Variants in BABAM2 observed in about 807,000 individuals in gnomAD.
BABAM2 encodes BRISC and BRCA1-A complex member 2.
BABAM2 carries 31 observed loss-of-function variants against 54.7 expected under a neutral mutation model. The observed-to-expected ratio is 0.57, with a 90% CI of 0.43 to 0.77. BABAM2 has a LOEUF of 0.77. Ranked by LOEUF, BABAM2 falls within the 30% of genes least tolerant of loss-of-function variation. BABAM2 has a pLI of 0.00. For missense variants in BABAM2, 364 were observed against 455.8 expected, an observed-to-expected ratio of 0.80 and a Z score of 1.83; for synonymous variants, 167 against 162.9, an observed-to-expected ratio of 1.03 and a Z score of -0.19.
At chr2:28,041,899 AG>A (rs1461660418) in intron 5 of BABAM2, among the ~76,000 whole-genome samples, 1 of 152,220 alleles carries the variant, frequency 6.6e-6, no homozygotes, top group African/African-American at 2.4e-5. Context: ...TGACAGAGTT[AG>A]GGGCAATTGC....
intron 3 of BABAM2, among the ~76,000 whole-genome samples, chr2:27,985,921 T>C (rs1434133233): frequency 6.6e-6 from 1 of 152,180 alleles, no homozygotes; most frequent in Non-Finnish European, 1.5e-5. Context: ...AATGGCGTAA[T>C]TAGTCAGGAT....
intron 6 of BABAM2, among the ~76,000 whole-genome samples, chr2:28,101,989 A>T (rs1206992781): frequency 6.6e-6 from 1 of 152,182 alleles, no homozygotes; most frequent in African/African-American, 2.4e-5. Flanking sequence ...GCTAGAAAAA[A>T]ATCTTGGTAT....
At chr2:28,037,324 C>T (rs951911833) in intron 5 of BABAM2, among the ~76,000 whole-genome samples, 1 of 152,044 alleles carries the variant, frequency 6.6e-6, no homozygotes, top group African/African-American at 2.4e-5. Context: ...ATATTATGCA[C>T]TGTTTTGGAT....
At chr2:28,167,153 A>G (rs765593866) in intron 7 of BABAM2, among the ~76,000 whole-genome samples, 1 of 152,184 alleles carries the variant, frequency 6.6e-6, no homozygotes, top group Non-Finnish European at 1.5e-5. Context: ...TATGTTCTTC[A>G]TTCTGATTGT....
chr2:27,999,617 T>C (rs1673435886), intron 4 of BABAM2, among the ~76,000 whole-genome samples: 1 of 152,258 alleles, frequency 6.6e-6, no homozygotes, highest in African/African-American at 2.4e-5. Context: ...CCTAGTATGA[T>C]TTAACCAAGA....
chr2:28,092,795 C>T (rs1265008699), intron 6 of BABAM2, among the ~76,000 whole-genome samples: 1 of 151,742 alleles, frequency 6.6e-6, no homozygotes, highest in Non-Finnish European at 1.5e-5. Flanking sequence ...TCTCTCTGCC[C>T]TGATCATTTG....
chr2:28,306,508 T>C (rs903033365), intron 11 of BABAM2, among the ~76,000 whole-genome samples: 6 of 152,166 alleles, frequency 3.9e-5, no homozygotes, highest in African/African-American at 1.4e-4. Context: ...TGAAATCTGC[T>C]CCATTTGATA....
At chr2:28,302,883 T>G (rs1186806175) in intron 11 of BABAM2, among the ~76,000 whole-genome samples, 1 of 152,250 alleles carries the variant, frequency 6.6e-6, no homozygotes, top group Non-Finnish European at 1.5e-5. Flanking sequence ...ATGAAATGTC[T>G]GTTCAAATCT....
intron 10 of BABAM2, among the ~76,000 whole-genome samples, chr2:28,248,121 T>C (rs1273496873): frequency 6.6e-6 from 1 of 152,108 alleles, no homozygotes; most frequent in African/African-American, 2.4e-5. Context: ...AGCAGTTGTA[T>C]AGGCAATTCC....
At chr2:28,296,572 C>T (rs893421470) in intron 10 of BABAM2, among the ~76,000 whole-genome samples, 2 of 152,128 alleles carry the variant, frequency 1.3e-5, no homozygotes, top group Non-Finnish European at 2.9e-5. Context: ...AAGTCTGCTG[C>T]GGACCTAAGT....
intron 5 of BABAM2, 159 bp downstream of exon 5, chr2:28,025,579 T>TAGAGTTTAAAGA: frequency 1.5e-6 from 1 of 669,672 alleles, no homozygotes; most frequent in African/African-American, 1.9e-5. Context: ...CCTTAATGTT[T>TAGAGTTTAAAGA]GTCTAGTTCA....
In BABAM2 at chr2:28,117,611, C is replaced by G. The variant is rs765727921; in HGVS notation, c.571-11660C>G. Among the ~76,000 whole-genome samples the G allele has an allele frequency of 5.2e-4, 79 of 152,282 alleles. 1 individual carries two copies. Among genetic ancestry groups the G allele is most frequent in the Non-Finnish European group, 1.0e-3 (69 of 68,022 alleles). ...TTGGCTTTATTCTCTCCCACCACAG[C>G]CTGGTCTCTTCTATATATGGGAAAT... On this transcript the variant is annotated intron_variant, in intron 6 of 11. Transcript: ENST00000379624.
chr2:28,252,405 C>G (rs1683582408), intron 10 of BABAM2, among the ~76,000 whole-genome samples: 1 of 152,146 alleles, frequency 6.6e-6, no homozygotes, highest in Admixed American at 6.5e-5. Flanking sequence ...ACTGAGACTT[C>G]CTTGAAAGTG....
chr2:28,106,358 C>G (rs990280100), intron 6 of BABAM2, among the ~76,000 whole-genome samples: 1 of 152,114 alleles, frequency 6.6e-6, no homozygotes, highest in Non-Finnish European at 1.5e-5. Context: ...TGAGCTCAAG[C>G]GCTCCTCCCA....
At chr2:28,208,579 C>G (rs1679124388) in intron 7 of BABAM2, among the ~76,000 whole-genome samples, 1 of 151,948 alleles carries the variant, frequency 6.6e-6, no homozygotes. Flanking sequence ...TTCCTTTCTT[C>G]CTTCCCTCCT....
At chr2:28,231,203 G>C (rs1349806793) in intron 7 of BABAM2, among the ~76,000 whole-genome samples, 1 of 152,126 alleles carries the variant, frequency 6.6e-6, no homozygotes, top group Non-Finnish European at 1.5e-5. Flanking sequence ...ATGCCCAGTA[G>C]AGTGTCTGGC....
intron 7 of BABAM2, among the ~76,000 whole-genome samples, chr2:28,148,704 A>G (rs1671734599): frequency 6.6e-6 from 1 of 152,174 alleles, no homozygotes; most frequent in African/African-American, 2.4e-5. Flanking sequence ...ATCTCTCTGT[A>G]ACAGACATGC....
At chr2:28,203,717 A>G (rs571068603) in intron 7 of BABAM2, among the ~76,000 whole-genome samples, 1 of 152,236 alleles carries the variant, frequency 6.6e-6, no homozygotes, top group South Asian at 2.1e-4. Context: ...ACTTGGCTTT[A>G]TGCTTTTAAG....
At chr2:28,333,758 G>C (rs1691169868) in intron 11 of BABAM2, among the ~76,000 whole-genome samples, 1 of 152,198 alleles carries the variant, frequency 6.6e-6, no homozygotes, top group South Asian at 2.1e-4. Context: ...GCCCTCTCCT[G>C]TGGGCCCCAC....
Sources: allele counts gnomAD v4.1 joint callset (sites outside exome capture counted in the v4.1 genomes callset), GRCh38; gene constraint gnomAD v4.1.1; transcripts MANE v1.5; gene names NCBI Gene and HGNC (gene_info 2026-07-23, HGNC 2026-07-21).